Variants in FMNL2 observed in about 807,000 individuals in gnomAD.
FMNL2 encodes formin like 2.
In FMNL2, 51 loss-of-function variants were observed where a neutral mutation model predicts 130.2. The ratio of observed to expected loss-of-function variants is 0.39; its 90% CI spans 0.31 to 0.49. The LOEUF is 0.49. Among genes scored for constraint, FMNL2 ranks in the 20% least tolerant of loss-of-function variants. The pLI, the probability that FMNL2 is intolerant of heterozygous loss-of-function variation, is 0.85. For missense variants in FMNL2, 977 were observed against 1,316.2 expected, an observed-to-expected ratio of 0.74 and a Z score of 3.99; for synonymous variants, 465 against 467.1, an observed-to-expected ratio of 1.00 and a Z score of 0.06.
chr2:152,377,541 C>T (rs954476155), intron 1 of FMNL2, among the ~76,000 whole-genome samples: 1 of 152,176 alleles, frequency 6.6e-6, no homozygotes, highest in Non-Finnish European at 1.5e-5. Flanking sequence ...TTCTCAGTTG[C>T]TCTAGCTACA....
intron 12 of FMNL2, 29 bp downstream of exon 12, chr2:152,615,029 G>A: frequency 6.2e-7 from 1 of 1,602,836 alleles, no homozygotes; most frequent in Non-Finnish European, 8.5e-7. Context: ...AGGAAAAATT[G>A]CTTACATTTC....
chr2:152,451,151 T>G (rs1380309697), intron 1 of FMNL2, among the ~76,000 whole-genome samples: 1 of 152,134 alleles, frequency 6.6e-6, no homozygotes, highest in Non-Finnish European at 1.5e-5. Context: ...GACTTCAGTT[T>G]TTTTTTGTTG....
intron 1 of FMNL2, among the ~76,000 whole-genome samples, chr2:152,425,846 G>A (rs566352736): frequency 5.5e-4 from 84 of 152,226 alleles, no homozygotes; most frequent in African/African-American, 2.0e-3. Context: ...GTTTCCAAAC[G>A]ACTTCCCCCA....
chr2:152,459,259 T>C (rs1192906752), intron 1 of FMNL2, among the ~76,000 whole-genome samples: 2 of 152,198 alleles, frequency 1.3e-5, no homozygotes, highest in Admixed American at 1.3e-4. Context: ...ATGACTGGAA[T>C]GCAAAGAACA....
intron 1 of FMNL2, among the ~76,000 whole-genome samples, chr2:152,397,763 A>C (rs1685479561): frequency 6.6e-6 from 1 of 152,124 alleles, no homozygotes; most frequent in Non-Finnish European, 1.5e-5. Flanking sequence ...AATACCACTG[A>C]ATCTGTAAAC....
At chr2:152,566,743 C>T (rs10931163) in intron 6 of FMNL2, among the ~76,000 whole-genome samples, 110,765 of 152,166 alleles carry the variant, frequency 0.73, 40,581 homozygotes, top group East Asian at 0.81. Context: ...TACATGAGCA[C>T]ATATATGAAA....
intron 1 of FMNL2, among the ~76,000 whole-genome samples, chr2:152,467,179 C>T (rs776890965): frequency 6.6e-6 from 1 of 151,918 alleles, no homozygotes; most frequent in Non-Finnish European, 1.5e-5. Flanking sequence ...TCATTTGGCT[C>T]TTTTTTTTCT....
At chr2:152,639,567 G>A (rs568747788) in intron 23 of FMNL2, among the ~76,000 whole-genome samples, 1 of 152,338 alleles carries the variant, frequency 6.6e-6, no homozygotes, top group Non-Finnish European at 1.5e-5. Context: ...ACAATAGGCA[G>A]AAGGCAGAAG....
Position 152,640,060 on chromosome 2 carries a change from A to T in FMNL2, c.3045+4A>T, listed in dbSNP as rs533653099. 6.5e-7 allele frequency: 1 copy of T among 1,548,598 alleles called. No homozygotes were observed. Among genetic ancestry groups the T allele is most frequent in the Non-Finnish European group, 8.7e-7 (1 of 1,146,418 alleles). Reference sequence around the variant, plus strand: ...GATGGAGCAGCAGGATCCAAAGGTAAGAAGTGCCGCACTCATGAGACAGGT... The same window carrying T: ...GATGGAGCAGCAGGATCCAAAGGTATGAAGTGCCGCACTCATGAGACAGGT... On this transcript the variant is annotated splice_donor_region_variant and intron_variant, in intron 24 of 25. Transcript: ENST00000288670.
At chr2:152,617,022 C>A in intron 12 of FMNL2, 69 bp from the exon 13 acceptor site, 1 of 1,401,804 alleles carries the variant, frequency 7.1e-7, no homozygotes, top group South Asian at 1.2e-5. Flanking sequence ...TGGAGCTGCA[C>A]TTTCTGAGAA....
At chr2:152,588,180 G>T (rs191197632) in intron 9 of FMNL2, among the ~76,000 whole-genome samples, 58 of 152,332 alleles carry the variant, frequency 3.8e-4, no homozygotes, top group African/African-American at 1.4e-3. Flanking sequence ...GTATAGGGTG[G>T]TAATCTCTGA....
intron 9 of FMNL2, among the ~76,000 whole-genome samples, chr2:152,590,356 G>A (rs13033172): frequency 0.54 from 81,470 of 151,896 alleles, 23,685 homozygotes; most frequent in East Asian, 0.78. Context: ...TGTGGCTCAC[G>A]CCTGTAATCC....
intron 1 of FMNL2, among the ~76,000 whole-genome samples, chr2:152,434,539 C>T (rs1426800304): frequency 6.6e-6 from 1 of 152,132 alleles, no homozygotes; most frequent in Non-Finnish European, 1.5e-5. Flanking sequence ...CAGCTGGCCC[C>T]TGATTTTAGT....
intron 1 of FMNL2, among the ~76,000 whole-genome samples, chr2:152,501,064 C>A (rs1344980036): frequency 6.6e-6 from 1 of 152,186 alleles, no homozygotes; most frequent in African/African-American, 2.4e-5. Flanking sequence ...AATTTTGATT[C>A]TTCTATGAAA....
chr2:152,585,892 C>T (rs1462661435), intron 9 of FMNL2, among the ~76,000 whole-genome samples: 1 of 143,102 alleles, frequency 7.0e-6, no homozygotes, highest in South Asian at 2.2e-4. Flanking sequence ...AAATGGCTTG[C>T]TTTTAAAAAG....
At chr2:152,552,686 G>A (rs923963710) in intron 4 of FMNL2, among the ~76,000 whole-genome samples, 1 of 152,162 alleles carries the variant, frequency 6.6e-6, no homozygotes, top group African/African-American at 2.4e-5. Context: ...TAATAGAGAA[G>A]AATTGGATTA....
intron 1 of FMNL2, among the ~76,000 whole-genome samples, chr2:152,410,286 A>C (rs1030308069): frequency 4.6e-5 from 7 of 152,168 alleles, no homozygotes; most frequent in Non-Finnish European, 7.4e-5. Flanking sequence ...GTGGAGCTCA[A>C]ATTCACACAT....
At chr2:152,551,143 GAAAA>G (rs5835434) in intron 4 of FMNL2, among the ~76,000 whole-genome samples, 2 of 121,280 alleles carry the variant, frequency 1.6e-5, no homozygotes, top group African/African-American at 3.0e-5. Flanking sequence ...CCATCTCACC[GAAAA>G]AAAAAAAAAA....
intron 9 of FMNL2, among the ~76,000 whole-genome samples, chr2:152,598,225 C>G (rs1042398430): frequency 7.9e-5 from 12 of 152,178 alleles, no homozygotes; most frequent in African/African-American, 2.4e-4. Flanking sequence ...GTGTCCCTTC[C>G]CTTGCTCAGC....
Sources: allele counts gnomAD v4.1 joint callset (sites outside exome capture counted in the v4.1 genomes callset), GRCh38; gene constraint gnomAD v4.1.1; transcripts MANE v1.5; gene names NCBI Gene and HGNC (gene_info 2026-07-23, HGNC 2026-07-21).